Variants in UBE4B observed in about 807,000 individuals in gnomAD.
UBE4B encodes the protein ubiquitination factor E4B.
A neutral mutation model predicts 148.1 loss-of-function variants in UBE4B; 27 were observed. The observed-to-expected ratio is 0.18, with a 90% CI of 0.13 to 0.25. The LOEUF is 0.25. UBE4B is among the 10% of genes least tolerant of loss of function. The probability of loss-of-function intolerance (pLI) is 1.00; values close to 1 mark genes in which losing one functional copy is unlikely to be tolerated. For synonymous variants in UBE4B, 596 were observed against 619.3 expected (o/e 0.96, Z 0.56); for missense variants, 1,170 against 1,662.4 (o/e 0.70, Z 5.15).
intron 1 of UBE4B, among the ~76,000 whole-genome samples, chr1:10,057,918 TGGAG>T (rs1340851564): frequency 2.0e-5 from 3 of 151,948 alleles, no homozygotes; most frequent in African/African-American, 7.3e-5. Context: ...TGGGAGGCAG[TGGAG>T]GGTATGTAGG....
intron 1 of UBE4B, among the ~76,000 whole-genome samples, chr1:10,044,036 T>G (rs770602208): frequency 6.6e-6 from 1 of 152,020 alleles, no homozygotes; most frequent in South Asian, 2.1e-4. Context: ...TCCACGTTTC[T>G]TTTCTTTTCT....
chr1:10,105,211 T>C (rs1432957792), intron 5 of UBE4B, among the ~76,000 whole-genome samples: 1 of 152,232 alleles, frequency 6.6e-6, no homozygotes, highest in Non-Finnish European at 1.5e-5. Context: ...ACCCCAACTT[T>C]CTTTTTAATA....
At chr1:10,060,164 C>T (rs1295627925) in intron 1 of UBE4B, among the ~76,000 whole-genome samples, 1 of 152,138 alleles carries the variant, frequency 6.6e-6, no homozygotes, top group Non-Finnish European at 1.5e-5. Flanking sequence ...TACAGTCATG[C>T]ATCACTTAAT....
At chr1:10,131,494 A>G (rs1005379806) in intron 14 of UBE4B, among the ~76,000 whole-genome samples, 2 of 152,162 alleles carry the variant, frequency 1.3e-5, no homozygotes, top group African/African-American at 4.8e-5. Flanking sequence ...CAAAAAAAAG[A>G]AACAGGCAAA....
chr1:10,126,348 TAGATAGAA>T (rs1354439184), intron 10 of UBE4B, among the ~76,000 whole-genome samples: 17 of 147,892 alleles, frequency 1.1e-4, no homozygotes, highest in East Asian at 3.9e-4. Context: ...GATAGATAGA[TAGATAGAA>T]AGGAGGAAAT....
chr1:10,109,599 C>T (rs1437754728), intron 7 of UBE4B, among the ~76,000 whole-genome samples: 7 of 151,464 alleles, frequency 4.6e-5, no homozygotes, highest in Non-Finnish European at 1.0e-4. Flanking sequence ...AGTAGAAGAA[C>T]TTAGGGTTCT....
chr1:10,097,977 TCTC>T (rs1023367372), intron 3 of UBE4B, among the ~76,000 whole-genome samples: 48 of 151,562 alleles, frequency 3.2e-4, no homozygotes, highest in African/African-American at 1.1e-3. Context: ...TTCAAGCAAT[TCTC>T]CTGCCTCAGC....
intron 25 of UBE4B, 44 bp from the exon 26 acceptor site, chr1:10,178,600 C>G: frequency 6.6e-7 from 1 of 1,524,218 alleles, no homozygotes; most frequent in African/African-American, 1.4e-5. Context: ...CTTTTTTCCA[C>G]CTGACGTACA....
intron 1 of UBE4B, among the ~76,000 whole-genome samples, chr1:10,056,719 C>T (rs1349171288): frequency 6.6e-6 from 1 of 152,232 alleles, no homozygotes; most frequent in Non-Finnish European, 1.5e-5. Context: ...CCAGCGCTAG[C>T]TACGCGATTG....
At position 10,064,183 on chromosome 1, in the gene UBE4B, CCCCTA is replaced by C. The variant is rs1372880415; in HGVS notation, c.25-7842_25-7838del. Among the ~76,000 whole-genome samples the C allele has an allele frequency of 2.0e-5, 3 of 152,288 alleles. No homozygotes were observed. The East Asian group carries it at 5.8e-4, about 29-fold the overall frequency. On this transcript the variant is annotated intron_variant, in intron 1 of 27. Transcript: ENST00000343090. ...GCTCCTTTGTTCCTCGTCTGCCTAA[CCCCTA>C]CCTGTCCTGAAAAAGAAACTTAAGT...
chr1:10,085,880 C>G (rs1374336421), intron 2 of UBE4B, among the ~76,000 whole-genome samples: 1 of 152,182 alleles, frequency 6.6e-6, no homozygotes, highest in Non-Finnish European at 1.5e-5. Context: ...ACGTCTGCCT[C>G]CTGGATTCAA....
At chr1:10,114,696 T>C (rs1353170489) in intron 7 of UBE4B, among the ~76,000 whole-genome samples, 1 of 152,072 alleles carries the variant, frequency 6.6e-6, no homozygotes, top group African/African-American at 2.4e-5. Context: ...AAACACTGTC[T>C]CTACTAAAAA....
chr1:10,131,690 C>T (rs946830012), intron 14 of UBE4B, among the ~76,000 whole-genome samples: 4 of 152,042 alleles, frequency 2.6e-5, no homozygotes, highest in African/African-American at 7.2e-5. Context: ...GGTGAAACCT[C>T]GTCACTGCTA....
chr1:10,178,517 A>G, intron 25 of UBE4B, 127 bp from the exon 26 acceptor site: 1 of 851,302 alleles, frequency 1.2e-6, no homozygotes, highest in Non-Finnish European at 1.8e-6. Context: ...ATAAGTGTAT[A>G]TATAATTTTA....
At position 10,106,161 on chromosome 1, in the gene UBE4B, T is replaced by G. The variant is rs1487591221; in HGVS notation, c.810-36T>G. On this transcript the variant is annotated intron_variant, in intron 6 of 27. Coordinates refer to ENST00000343090, the MANE Select transcript of UBE4B (RefSeq NM_001105562.3). The surrounding 1 kb of genome is among the most constrained non-coding windows in gnomAD (Gnocchi z 4.2). ...TAGTTATCTCAAGTTTTTCTTTGAT[T>G]TTTCTCTTCTTTCCTCCCTTTCTCA... is the stretch of plus-strand genomic sequence containing the variant. The G allele has an allele frequency of 6.6e-7, 1 of 1,526,436 alleles. No homozygotes were observed. Among genetic ancestry groups the G allele is most frequent in the Non-Finnish European group, 8.8e-7 (1 of 1,137,178 alleles). 94.6% of individuals were successfully genotyped at this position (1,526,436 alleles called of 1,614,324 possible).
rs772854315 is a variant in UBE4B at position 10,135,085 on chromosome 1, C to G, written c.2123C>G (p.Pro708Arg). ...STKIKLETVD[P>R]TYIFHPRCRI... ...AAAATCAAGTTAGAAACAGTTGATC[C>G]CACGTATATTTTTCACCCAAGATGT... The change falls in exon 16 of 28, where the codon CCC (proline) becomes CGC (arginine). Residue 708 changes from proline (P) to arginine (R), a missense_variant. Physicochemically the swap from Pro to Arg is moderately radical, Grantham distance 103 (BLOSUM62 -2). Transcript: ENST00000343090. 2 of 1,613,748 alleles carry G rather than the reference C, an allele frequency of 1.2e-6. No individual in the cohort carries two copies. The highest frequency in any genetic ancestry group is 3.3e-5 in the Admixed American group (2 of 59,946).
intron 11 of UBE4B, among the ~76,000 whole-genome samples, chr1:10,127,827 G>T (rs78897857): frequency 6.6e-6 from 1 of 152,120 alleles, no homozygotes; most frequent in Non-Finnish European, 1.5e-5. Flanking sequence ...GAGCTACAGC[G>T]CAACAGTTGA....
At chr1:10,126,024 A>G (rs1483359642) in intron 10 of UBE4B, among the ~76,000 whole-genome samples, 1 of 152,176 alleles carries the variant, frequency 6.6e-6, no homozygotes, top group African/African-American at 2.4e-5. Context: ...TAGAGGGCCA[A>G]GCGCGGTAGC....
chr1:10,060,640 A>T (rs1644266305), intron 1 of UBE4B, among the ~76,000 whole-genome samples: 1 of 152,220 alleles, frequency 6.6e-6, no homozygotes, highest in Non-Finnish European at 1.5e-5. Context: ...TCTAGTAGCC[A>T]TTGAAGTACT....
Sources: gnomAD v4.1 joint callset for allele counts (sites outside exome capture counted in the v4.1 genomes callset) on GRCh38, gnomAD v4.1.1 for gene constraint, Gnocchi (gnomAD v3.1) non-coding constraint, MANE v1.5 for transcripts, NCBI Gene and HGNC (gene_info 2026-07-23, HGNC 2026-07-21) for gene names.